Variants in EIF2S1 observed in about 807,000 individuals in gnomAD.
EIF2S1 encodes the protein eukaryotic translation initiation factor 2 subunit alpha.
EIF2S1 carries 5 observed loss-of-function variants against 33.5 expected under a neutral mutation model. The ratio of observed to expected loss-of-function variants is 0.15; its 90% confidence interval spans 0.08 to 0.31. The LOEUF is 0.31. Ranked by LOEUF, EIF2S1 falls within the 10% of genes least tolerant of loss-of-function variation. The pLI, the probability that EIF2S1 is intolerant of heterozygous loss-of-function variation, is 1.00. For synonymous variants in EIF2S1, 99 were observed against 127.5 expected, an observed-to-expected ratio of 0.78 and a Z score of 1.51; for missense variants, 191 against 384.6, an observed-to-expected ratio of 0.50 and a Z score of 4.21.
At chr14:67,381,532 C>A (rs1489657855) in intron 5 of EIF2S1, 61 bp from the exon 6 acceptor site, 3 of 1,347,220 alleles carry the variant, frequency 2.2e-6, no homozygotes, top group Non-Finnish European at 3.2e-6. Context: ...TGTTTGATTT[C>A]CTTTAAACTT....
chr14:67,379,936 A>G (rs891301633), intron 4 of EIF2S1, among the ~76,000 whole-genome samples: 4 of 151,580 alleles, frequency 2.6e-5, no homozygotes, highest in African/African-American at 9.7e-5. Context: ...TTTCTTTTTA[A>G]TAGAGATGGA....
At position 67,376,420 on chromosome 14, in the gene EIF2S1, C is replaced by T; in HGVS notation, c.322-19C>T. 1 of 1,565,838 alleles carries T rather than the reference C, an allele frequency of 6.4e-7. No homozygotes were observed. The highest frequency in any genetic ancestry group is 8.7e-7 in the Non-Finnish European group (1 of 1,153,996). On this transcript the variant is annotated intron_variant, in intron 3 of 7. Transcript: ENST00000256383. ...AATCTCTTATCTTTGAATTGTTGAG[C>T]TTTTCATTTTATTTCTAGGTTTATA...
chr14:67,379,580 C>G (rs1483561033), intron 4 of EIF2S1, among the ~76,000 whole-genome samples: 3 of 151,994 alleles, frequency 2.0e-5, no homozygotes, highest in Non-Finnish European at 4.4e-5. Flanking sequence ...CCAATAAGAC[C>G]CCTTGCTTAT....
At chr14:67,370,040 T>C (rs992571535) in intron 2 of EIF2S1, among the ~76,000 whole-genome samples, 2 of 152,240 alleles carry the variant, frequency 1.3e-5, no homozygotes, top group Non-Finnish European at 2.9e-5. Context: ...GATACTAAAT[T>C]AACTAAAAGT....
intron 2 of EIF2S1, among the ~76,000 whole-genome samples, chr14:67,371,708 A>G (rs1034210135): frequency 2.6e-5 from 4 of 152,194 alleles, no homozygotes; most frequent in Non-Finnish European, 5.9e-5. Context: ...CAGTATTATA[A>G]TCTTAACAGC....
At chr14:67,369,170 A>C (rs774226406) in intron 2 of EIF2S1, among the ~76,000 whole-genome samples, 7 of 152,238 alleles carry the variant, frequency 4.6e-5, no homozygotes, top group Non-Finnish European at 7.3e-5. Flanking sequence ...GTTGAAAATA[A>C]ATGGATATAA....
chr14:67,376,668 G>A lies in EIF2S1; in HGVS notation c.473+78G>A. ...TGATATTTAACAGCATAGCATCCAT[G>A]TATAAAATACTTGCCAAATTTAGAT... On this transcript the variant is annotated intron_variant, in intron 4 of 7. Transcript: ENST00000256383. The A allele has an allele frequency of 3.4e-6, 5 of 1,479,620 alleles. No homozygotes were observed. The South Asian group carries it at 6.4e-5, about 19-fold the overall frequency. The allele number at this position is 1,479,620 out of a possible 1,614,324, so 91.7% of individuals were successfully genotyped here.
intron 4 of EIF2S1, among the ~76,000 whole-genome samples, chr14:67,379,660 T>C (rs1054976573): frequency 2.2e-5 from 3 of 135,192 alleles, no homozygotes; most frequent in Non-Finnish European, 3.0e-5. Flanking sequence ...TTTTCTTTTT[T>C]TTTTTTTTTT....
chr14:67,381,760 TTC>T, intron 6 of EIF2S1, 70 bp downstream of exon 6: 2 of 1,176,184 alleles, frequency 1.7e-6, no homozygotes, highest in Middle Eastern at 2.0e-4. Flanking sequence ...TGATCTTTGT[TTC>T]TTTTTTTTTT....
At chr14:67,360,874 A>G (rs2085732521) in intron 1 of EIF2S1, 1 of 152,084 alleles carries the variant, frequency 6.6e-6, no homozygotes, top group Admixed American at 6.6e-5. Context: ...CAGCTCTACC[A>G]AAAATTTCCC....
rs1292551926 is a variant in EIF2S1, at chr14:67,385,311, G to C, written c.*1871G>C. ...AAGTTTATCCAAATCTTGAATTTCT[G>C]CCAGGCATGGTAGCTCATGCCTGTA... is the stretch of plus-strand genomic sequence containing the variant. On this transcript the variant is annotated 3_prime_UTR_variant, in exon 8 of 8. Transcript: ENST00000256383. 1.3e-5 allele frequency: 2 copies of C among 152,062 alleles called. No homozygotes were observed. The highest frequency in any genetic ancestry group is 2.4e-5 in the African/African-American group (1 of 41,376). The allele number at this position is 152,062 out of a possible 1,614,324, so 9.4% of individuals were successfully genotyped here.
intron 2 of EIF2S1, among the ~76,000 whole-genome samples, chr14:67,368,937 TAAAAG>T (rs2085799894): frequency 6.6e-6 from 1 of 151,942 alleles, no homozygotes; most frequent in South Asian, 2.1e-4. Context: ...AACATTAACC[TAAAAG>T]AAAACTCAAA....
At chr14:67,370,527 C>CT (rs1457225151) in intron 2 of EIF2S1, among the ~76,000 whole-genome samples, 17 of 152,034 alleles carry the variant, frequency 1.1e-4, no homozygotes, top group Non-Finnish European at 2.2e-4. Flanking sequence ...GAGAATGGGG[C>CT]TATCACTGCA....
At chr14:67,361,426 C>T (rs965718993) in intron 1 of EIF2S1, among the ~76,000 whole-genome samples, 1 of 152,190 alleles carries the variant, frequency 6.6e-6, no homozygotes, top group Non-Finnish European at 1.5e-5. Context: ...TGATAACTTT[C>T]TTTTTCAACT....
chr14:67,382,533 G>A lies in EIF2S1; in HGVS notation c.765G>A (p.Met255Ile). The A allele has an allele frequency of 3.1e-6, 5 of 1,613,898 alleles. No individual in the cohort carries two copies. Among genetic ancestry groups the A allele is most frequent in the Non-Finnish European group, 4.2e-6 (5 of 1,179,920 alleles). Residue 255 changes from methionine to isoleucine, a missense_variant, in exon 7 of 8, where the codon ATG becomes ATA. Physicochemically the swap from Met to Ile is conservative, Grantham distance 10. Transcript: ENST00000256383. ...TEGLSVLSQA[M>I]AVIKEKIEEK... ...GCCTTTCTGTCCTCAGTCAAGCTAT[G>A]GCTGTTATCAAAGAGAAGATTGAGG...
Position 67,380,689 on chromosome 14 carries a change from G to C in EIF2S1, c.504G>C (p.Leu168Phe). 6.3e-7 allele frequency: 1 copy of C among 1,581,062 alleles called. No homozygotes were observed. The highest frequency in any genetic ancestry group is 1.7e-4 in the Middle Eastern group (1 of 5,966). ...SDPSILDSLDLNEDEREVLIN... is the reference protein window; with the variant it reads ...SDPSILDSLDFNEDEREVLIN... ...CATCTATTTTGGATAGTTTAGATTT[G>C]AATGAAGATGAACGGGAAGTACTCA... The change falls in exon 5 of 8, where the codon TTG becomes TTC. Residue 168 changes from leucine (L) to phenylalanine (F), a missense_variant. Physicochemically the swap from Leu to Phe is conservative, Grantham distance 22. Coordinates refer to ENST00000256383, the MANE Select transcript of EIF2S1 (RefSeq NM_004094.5).
intron 7 of EIF2S1, 98 bp downstream of exon 7, chr14:67,382,688 G>T (rs780624974): frequency 1.3e-5 from 18 of 1,401,630 alleles, no homozygotes; most frequent in Non-Finnish European, 1.8e-5. Context: ...ATGTCATATT[G>T]TAGGATGGTC....
intron 6 of EIF2S1, 100 bp from the exon 7 acceptor site, chr14:67,382,347 G>T (rs957064807): frequency 8.9e-7 from 1 of 1,118,062 alleles, no homozygotes. Context: ...ACGTTTTGGG[G>T]TGATTTGTTA....
chr14:67,360,475 G>T lies in EIF2S1; in HGVS notation c.-2+19G>T, dbSNP rs942843775. 39 of 355,476 alleles carry T rather than the reference G, an allele frequency of 1.1e-4. No homozygotes were observed. The highest frequency in any genetic ancestry group is 9.5e-5 in the Admixed American group (2 of 21,164). 22.0% of individuals were successfully genotyped at this position (355,476 alleles called of 1,614,324 possible). On this transcript the variant is annotated intron_variant, in intron 1 of 7. Coordinates refer to ENST00000256383, the MANE Select transcript of EIF2S1 (RefSeq NM_004094.5). ...ACCTCAGGTGACTAATCCCAAGCTC[G>T]GTTTCTCCAGGAACTCACTTTGGTT...
Sources: allele counts gnomAD v4.1 joint callset (sites outside exome capture counted in the v4.1 genomes callset), GRCh38; gene constraint gnomAD v4.1.1; transcripts MANE v1.5; gene names NCBI Gene and HGNC (gene_info 2026-07-23, HGNC 2026-07-21).